ZNF536: variants seen among roughly 807,000 people sequenced by gnomAD.
The protein encoded by ZNF536 is zinc finger protein 536.
ZNF536 carries 13 observed loss-of-function variants against 84.5 expected under a neutral mutation model. The ratio of observed to expected loss-of-function variants is 0.15; its 90% CI spans 0.10 to 0.24. The LOEUF is 0.24. ZNF536 is among the 10% of genes least tolerant of loss of function. The pLI is 1.00. For missense variants in ZNF536, 1,536 were observed against 1,747.5 expected, an observed-to-expected ratio of 0.88 and a Z score of 2.16; for synonymous variants, 811 against 742.5, an observed-to-expected ratio of 1.09 and a Z score of -1.50.
chr19:30,490,121 G>T (rs912810766), intron 2 of ZNF536, among the ~76,000 whole-genome samples: 1 of 152,152 alleles, frequency 6.6e-6, no homozygotes, highest in African/African-American at 2.4e-5. Context: ...AACCTGCAGA[G>T]AAAAGTGCAC....
intron 2 of ZNF536, among the ~76,000 whole-genome samples, chr19:30,308,070 G>A (rs2046393534): frequency 6.6e-6 from 1 of 152,180 alleles, no homozygotes; most frequent in Non-Finnish European, 1.5e-5. Context: ...TATTAACAAG[G>A]GCTCTGGCTG....
chr19:30,601,894 A>G (rs1473045474), intron 1 of ZNF536, among the ~76,000 whole-genome samples: 2 of 152,166 alleles, frequency 1.3e-5, no homozygotes, highest in African/African-American at 2.4e-5. Context: ...CAGAAACCCC[A>G]TTCTAGAACT....
intron 1 of ZNF536, among the ~76,000 whole-genome samples, chr19:30,670,167 G>C (rs1024441662): frequency 6.6e-6 from 1 of 152,166 alleles, no homozygotes; most frequent in Non-Finnish European, 1.5e-5. Context: ...TAGTGCAATG[G>C]GGGAACGAAT....
intron 1 of ZNF536, among the ~76,000 whole-genome samples, chr19:30,264,966 T>TGTGTGTGTGTGTGA (rs59889852): frequency 3.0e-5 from 4 of 133,776 alleles, no homozygotes; most frequent in Admixed American, 7.7e-5. Flanking sequence ...TGTGTGTGTG[T>TGTGTGTGTGTGTGA]GAGAGAGAGA....
chr19:30,411,189 A>G (rs2050481378), intron 1 of ZNF536, among the ~76,000 whole-genome samples: 1 of 152,240 alleles, frequency 6.6e-6, no homozygotes, highest in African/African-American at 2.4e-5. Flanking sequence ...AACGGTATGC[A>G]CATTTAAAAT....
At chr19:30,287,671 T>C (rs2045691777) in intron 2 of ZNF536, among the ~76,000 whole-genome samples, 2 of 75,828 alleles carry the variant, frequency 2.6e-5, no homozygotes, top group Non-Finnish European at 4.1e-5. Flanking sequence ...GATGGGTGGG[T>C]GGATGGATGG....
At chr19:30,452,125 G>A (rs1600794736) in intron 2 of ZNF536, among the ~76,000 whole-genome samples, 1 of 152,176 alleles carries the variant, frequency 6.6e-6, no homozygotes, top group East Asian at 1.9e-4. Flanking sequence ...GGTATCACGA[G>A]CTTCCAGGAT....
chr19:30,373,941 C>G (rs2048708535), intron 1 of ZNF536, among the ~76,000 whole-genome samples: 1 of 152,222 alleles, frequency 6.6e-6, no homozygotes, highest in Non-Finnish European at 1.5e-5. Flanking sequence ...CGCAGCCCAC[C>G]CGCCGCCCGC....
intron 3 of ZNF536, among the ~76,000 whole-genome samples, chr19:30,362,861 C>T (rs2048316121): frequency 6.6e-6 from 1 of 152,078 alleles, no homozygotes; most frequent in African/African-American, 2.4e-5. Context: ...GAGTTTGAGA[C>T]CAGCCTGGCC....
intron 1 of ZNF536, among the ~76,000 whole-genome samples, chr19:30,423,010 C>CATCCATCCATCCA (rs993263611): frequency 8.9e-6 from 1 of 112,432 alleles, no homozygotes; most frequent in African/African-American, 3.7e-5. Flanking sequence ...TCCATCCATC[C>CATCCATCCATCCA]TCCCACCCAC....
chr19:30,398,676 G>A (rs770811185), intron 1 of ZNF536, among the ~76,000 whole-genome samples: 100 of 152,120 alleles, frequency 6.6e-4, no homozygotes, highest in Admixed American at 4.1e-3. Flanking sequence ...TGCTGAGAAT[G>A]ATGGTTTTCA....
intron 1 of ZNF536, among the ~76,000 whole-genome samples, chr19:30,568,095 T>C (rs775768572): frequency 2.0e-5 from 3 of 152,230 alleles, no homozygotes; most frequent in Non-Finnish European, 2.9e-5. Context: ...TTAGGTATTA[T>C]ATAAGGGTTT....
intron 1 of ZNF536, among the ~76,000 whole-genome samples, chr19:30,589,793 G>T (rs1032048933): frequency 1.3e-5 from 2 of 152,118 alleles, no homozygotes; most frequent in Admixed American, 6.5e-5. Context: ...GCTTGTAGTG[G>T]AATTAACCCT....
intron 4 of ZNF536, among the ~76,000 whole-genome samples, chr19:30,553,767 C>T (rs2045866699): frequency 6.6e-6 from 1 of 152,196 alleles, no homozygotes; most frequent in South Asian, 2.1e-4. Context: ...GAGTTCAAGG[C>T]CACTGTGAGC....
At chr19:30,669,901 A>G (rs1193907304) in intron 1 of ZNF536, among the ~76,000 whole-genome samples, 4 of 152,222 alleles carry the variant, frequency 2.6e-5, no homozygotes, top group Non-Finnish European at 2.9e-5. Flanking sequence ...GAGGAGTTCT[A>G]TGAACTAGGG....
intron 1 of ZNF536, among the ~76,000 whole-genome samples, chr19:30,424,782 G>A (rs539792386): frequency 2.0e-5 from 3 of 152,258 alleles, no homozygotes; most frequent in African/African-American, 4.8e-5. Context: ...ACCCATTAGT[G>A]GGATTTCAGA....
rs527736865 is a variant in ZNF536, at chr19:30,667,926, C to T, written c.170-42831C>T. Among the ~76,000 whole-genome samples, 5 of 152,124 alleles carry T rather than the reference C, an allele frequency of 3.3e-5. No homozygotes were observed. In the South Asian group the frequency reaches 1.0e-3, roughly 32 times the overall value. ...CATTTCATCGATGGGGAAACGCAGG[C>T]TCAGAGAGGTTAAGTAACTTGTCTA... is the stretch of plus-strand genomic sequence containing the variant. On this transcript the variant is annotated intron_variant, in intron 1 of 1. Transcript: ENST00000592773.
chr19:30,288,227 TC>T (rs1252209648), intron 2 of ZNF536, among the ~76,000 whole-genome samples: 5 of 152,176 alleles, frequency 3.3e-5, no homozygotes, highest in Non-Finnish European at 5.9e-5. Context: ...TGAAAGGACT[TC>T]CTGCCCACGT....
chr19:30,682,048 G>A (rs936256524), intron 1 of ZNF536, among the ~76,000 whole-genome samples: 15 of 152,172 alleles, frequency 9.9e-5, no homozygotes, highest in African/African-American at 3.6e-4. Flanking sequence ...AGGGGGACAA[G>A]AGAAAGAGGC....
Sources: allele counts gnomAD v4.1 joint callset (sites outside exome capture counted in the v4.1 genomes callset), GRCh38; gene constraint gnomAD v4.1.1; transcripts MANE v1.5; gene names NCBI Gene and HGNC (gene_info 2026-07-23, HGNC 2026-07-21).